TULP2: variants seen among roughly 807,000 people sequenced by gnomAD.
TULP2 encodes the protein tubby-related protein 2.
In TULP2, 64 loss-of-function variants were observed where a neutral mutation model predicts 60.3. That is an observed-to-expected ratio of 1.06 (90% CI 0.87 to 1.31). The LOEUF (loss-of-function observed/expected upper bound fraction) is 1.31. Ranked by LOEUF, TULP2 falls within the 50% of genes most tolerant of loss-of-function variation. TULP2 has a pLI of 0.00. For missense variants in TULP2, 652 were observed against 667.0 expected (o/e 0.98, Z 0.25); for synonymous variants, 267 against 265.4 (o/e 1.01, Z -0.06).
intron 11 of TULP2, 81 bp downstream of exon 11, chr19:48,883,673 T>G (rs1234767569): frequency 1.3e-6 from 2 of 1,508,012 alleles, no homozygotes; most frequent in Non-Finnish European, 1.8e-6. Context: ...CCTCCTCTTC[T>G]TCTTCCTCCT....
rs531997919 is a variant in TULP2, at chr19:48,882,111, G to A, written c.1368C>T (p.Asn456=). 6 of 1,614,156 alleles carry A rather than the reference G, an allele frequency of 3.7e-6. No individual in the cohort carries two copies. Among genetic ancestry groups the A allele is most frequent in the South Asian group, 3.3e-5 (3 of 91,088 alleles). ...CATGGAAATTGAGCGTGTAGACACC[G>A]TTCTCCTTGTCCCACGACGGGGTTT... ...HNKTPSWDKE[N]GVYTLNFHGR... is the part of the protein sequence containing the mutation. The change falls in exon 12 of 13, where the codon AAC becomes AAT. Residue 456 remains asparagine (N), a synonymous_variant. Coordinates refer to ENST00000221399, the MANE Select transcript of TULP2 (RefSeq NM_003323.3).
chr19:48,881,719 T>C (rs1321456813), intron 12 of TULP2, among the ~76,000 whole-genome samples: 3 of 151,918 alleles, frequency 2.0e-5, no homozygotes, highest in African/African-American at 7.3e-5. Flanking sequence ...GGTTTCACCA[T>C]GTTGGCCAGG....
chr19:48,885,468 G>T lies in TULP2; in HGVS notation c.1041C>A (p.Asp347Glu). Reference protein sequence around the residue: ...LDPTHLSRDGDNFVGKVRSNV... With the variant: ...LDPTHLSRDGENFVGKVRSNV... ...CCCACCTGACTTTGCCCACGAAATT[G>T]TCCCCGTCCCGAGATAGGTGTGTAG... is the stretch of plus-strand genomic sequence containing the variant. Residue 347 changes from aspartate to glutamate, a missense_variant, in exon 9 of 13, where the codon GAC (aspartate) becomes GAA (glutamate). Physicochemically the swap from Asp to Glu is conservative, Grantham distance 45 (BLOSUM62 2). Transcript: ENST00000221399. 1 of 1,613,922 alleles carries T rather than the reference G, an allele frequency of 6.2e-7. No homozygotes were observed. Among genetic ancestry groups the T allele is most frequent in the East Asian group, 2.2e-5 (1 of 44,858 alleles).
intron 6 of TULP2, among the ~76,000 whole-genome samples, chr19:48,889,889 AC>A (rs1430960119): frequency 6.6e-6 from 1 of 152,194 alleles, no homozygotes; most frequent in African/African-American, 2.4e-5. Flanking sequence ...AAGAGTCATC[AC>A]CACTCCCTAA....
At position 48,883,945 on chromosome 19, in the gene TULP2, C is replaced by T; in HGVS notation, c.1163G>A (p.Gly388Glu). ...CAGGACACTCACATAACACACAGCC[C>T]CCAGCTCCTGTCTGATCCGGGCAGT... ...RNTARIRQEL[G>E]AVCYEPNVLG... is the part of the protein sequence containing the mutation. Residue 388 changes from glycine (G) to glutamate (E), a missense_variant, in exon 10 of 13, where the codon GGG becomes GAG. Coordinates refer to ENST00000221399, the MANE Select transcript of TULP2 (RefSeq NM_003323.3). 1 of 1,614,062 alleles carries T rather than the reference C, an allele frequency of 6.2e-7. No individual in the cohort carries two copies. Among genetic ancestry groups the T allele is most frequent in the Non-Finnish European group, 8.5e-7 (1 of 1,180,004 alleles).
chr19:48,883,977 G>T lies in TULP2; in HGVS notation c.1131C>A (p.Thr377=). Reference sequence around the variant, plus strand: ...CCTGTCTGATCCGGGCAGTATTCCTGGTTAAATGCTCCCGGTCAGGATTCA... The same window carrying T: ...CCTGTCTGATCCGGGCAGTATTCCTTGTTAAATGCTCCCGGTCAGGATTCA... ...NGVNPDREHL[T]RNTARIRQEL... The change falls in exon 10 of 13, where the codon ACC becomes ACA. Residue 377 remains threonine (T), a synonymous_variant. Transcript: ENST00000221399. The T allele has an allele frequency of 1.2e-6, 2 of 1,614,044 alleles. No homozygotes were observed. The highest frequency in any genetic ancestry group is 1.7e-6 in the Non-Finnish European group (2 of 1,180,016).
chr19:48,881,161 ACT>A lies in TULP2; in HGVS notation c.1448-37_1448-36del, dbSNP rs544436541. 5.6e-5 allele frequency: 73 copies of A among 1,309,218 alleles called. No individual in the cohort carries two copies. In the South Asian group the frequency reaches 8.2e-4, roughly 15 times the overall value. The allele number at this position is 1,309,218 out of a possible 1,614,324, so 81.1% of individuals were successfully genotyped here. A position where few individuals can be genotyped will look rare whatever the true frequency, so the allele number is the denominator to read the frequency against. On this transcript the variant is annotated intron_variant, in intron 12 of 12. Coordinates refer to ENST00000221399, the MANE Select transcript of TULP2 (RefSeq NM_003323.3). Reference sequence around the variant, plus strand: ...GAATCAGGAACAAAGCCTTAGCCTGACTCTCTCATCTCCCAGCTTCGAGAACT... The same window carrying A: ...GAATCAGGAACAAAGCCTTAGCCTGACTCTCATCTCCCAGCTTCGAGAACT...
intron 7 of TULP2, among the ~76,000 whole-genome samples, chr19:48,888,910 C>T (rs558345800): frequency 6.6e-6 from 1 of 151,966 alleles, no homozygotes; most frequent in Admixed American, 6.6e-5. Flanking sequence ...GCGTGAGTCA[C>T]CGTTCCTGGC....
intron 11 of TULP2, among the ~76,000 whole-genome samples, chr19:48,883,023 T>C (rs1247790057): frequency 6.6e-6 from 1 of 152,002 alleles, no homozygotes; most frequent in Non-Finnish European, 1.5e-5. Context: ...ATCGAGACCA[T>C]CCTGACTAAC....
At position 48,884,010 on chromosome 19, in the gene TULP2, G is replaced by A. The variant is rs1336508784; in HGVS notation, c.1098C>T (p.Asp366=). Reference sequence around the variant, plus strand: ...GCTCCCGGTCAGGATTCACCCCATTGTCAAAGATGGTGAACTTGGTGCTGA... The same window carrying A: ...GCTCCCGGTCAGGATTCACCCCATTATCAAAGATGGTGAACTTGGTGCTGA... ...NVFSTKFTIF[D]NGVNPDREHL... The change falls in exon 10 of 13, where the codon GAC becomes GAT. Residue 366 remains aspartate, a synonymous_variant. Transcript: ENST00000221399. The A allele has an allele frequency of 1.2e-6, 2 of 1,614,098 alleles. No homozygotes were observed. Among genetic ancestry groups the A allele is most frequent in the South Asian group, 2.2e-5 (2 of 91,076 alleles).
chr19:48,891,550 A>C (rs1410241490), intron 6 of TULP2, among the ~76,000 whole-genome samples: 6 of 108,656 alleles, frequency 5.5e-5, no homozygotes, highest in African/African-American at 4.2e-4. Flanking sequence ...GAATCGCTTA[A>C]ACCCAGCCAG....
At chr19:48,887,643 C>T (rs1482196839) in intron 8 of TULP2, among the ~76,000 whole-genome samples, 1 of 152,032 alleles carries the variant, frequency 6.6e-6, no homozygotes, top group Non-Finnish European at 1.5e-5. Flanking sequence ...CTGCAACCTC[C>T]GCTTCCCAGG....
chr19:48,894,241 C>T (rs1396585064), intron 6 of TULP2, among the ~76,000 whole-genome samples: 1 of 152,018 alleles, frequency 6.6e-6, no homozygotes, highest in African/African-American at 2.4e-5. Flanking sequence ...TCACGTTGGC[C>T]AGGCTCGTCT....
chr19:48,881,895 C>T (rs1276320797), intron 12 of TULP2, 137 bp downstream of exon 12: 1 of 1,132,638 alleles, frequency 8.8e-7, no homozygotes, highest in African/African-American at 1.5e-5. Flanking sequence ...CTACAATTCC[C>T]AATAGGCTTT....
chr19:48,897,830 T>C lies in TULP2; in HGVS notation c.32+7A>G. 1 of 1,613,816 alleles carries C rather than the reference T, an allele frequency of 6.2e-7. No homozygotes were observed. Among genetic ancestry groups the C allele is most frequent in the Non-Finnish European group, 8.5e-7 (1 of 1,179,902 alleles). ...CTCCACCCCTACCCATCTGTTTCCC[T>C]ACTCACTCTCTCATCAATGTGTCAT... On this transcript the variant is annotated splice_region_variant and intron_variant, in intron 2 of 12. Transcript: ENST00000221399. This position sits in a 1 kb window ranked among gnomAD's most constrained non-coding sequence, Gnocchi z 4.0.
At chr19:48,891,091 G>A (rs1381903187) in intron 6 of TULP2, among the ~76,000 whole-genome samples, 1 of 150,928 alleles carries the variant, frequency 6.6e-6, no homozygotes, top group African/African-American at 2.4e-5. Flanking sequence ...GAGGCGGGCG[G>A]ATCACGAGGT....
chr19:48,889,370 A>G (rs2037212092), intron 7 of TULP2, 140 bp downstream of exon 7: 7 of 1,411,960 alleles, frequency 5.0e-6, no homozygotes, highest in South Asian at 3.0e-5. Context: ...ACGCACGCAC[A>G]CACACAAGTC....
intron 11 of TULP2, 129 bp from the exon 12 acceptor site, chr19:48,882,332 C>T: frequency 1.0e-6 from 1 of 987,652 alleles, no homozygotes; most frequent in Non-Finnish European, 1.5e-6. Context: ...AGGATGAGAC[C>T]TGCTGGGCTG....
In TULP2 at chr19:48,897,807, C is replaced by A; in HGVS notation, c.32+30G>T. On this transcript the variant is annotated intron_variant, in intron 2 of 12. Transcript: ENST00000221399. The surrounding 1 kb of genome is among the most constrained non-coding windows in gnomAD (Gnocchi z 4.0). ...ACGGGGTCCCCAGCCCTTTCCACCT[C>A]CACCCCTACCCATCTGTTTCCCTAC... 6.2e-7 allele frequency: 1 copy of A among 1,613,352 alleles called. No homozygotes were observed. Among genetic ancestry groups the A allele is most frequent in the South Asian group, 1.1e-5 (1 of 91,020 alleles).
Sources: gnomAD v4.1 joint callset for allele counts (sites outside exome capture counted in the v4.1 genomes callset) on GRCh38, gnomAD v4.1.1 for gene constraint, Gnocchi (gnomAD v3.1) non-coding constraint, MANE v1.5 for transcripts, NCBI Gene and HGNC (gene_info 2026-07-23, HGNC 2026-07-21) for gene names.